Variants in DGKI observed in about 807,000 individuals in gnomAD.
DGKI encodes diacylglycerol kinase iota, also known as DAG kinase iota.
Under a neutral mutation model 147.5 loss-of-function variants are expected in DGKI, and 55 were observed. That is an observed-to-expected ratio of 0.37 (90% CI 0.30 to 0.47). The LOEUF (loss-of-function observed/expected upper bound fraction) is 0.47, where lower values mean the gene tolerates loss of function less well. DGKI is among the 20% of genes least tolerant of loss of function. DGKI has a pLI of 1.00. For synonymous variants in DGKI, 469 were observed against 477.1 expected (o/e 0.98, Z 0.22); for missense variants, 1,007 against 1,323.8 (o/e 0.76, Z 3.71).
chr7:137,447,673 T>C (rs1337251303), intron 27 of DGKI, among the ~76,000 whole-genome samples: 1 of 152,176 alleles, frequency 6.6e-6, no homozygotes, highest in African/African-American at 2.4e-5. Context: ...ACTTGAGAAA[T>C]AAGTGGCAAG....
intron 20 of DGKI, among the ~76,000 whole-genome samples, chr7:137,551,353 G>A (rs1213188294): frequency 6.6e-6 from 1 of 152,072 alleles, no homozygotes; most frequent in African/African-American, 2.4e-5. Context: ...CTATTGTAAG[G>A]ACTTCTGCAT....
At chr7:137,800,606 A>G (rs1443750968) in intron 1 of DGKI, among the ~76,000 whole-genome samples, 1 of 152,138 alleles carries the variant, frequency 6.6e-6, no homozygotes, top group East Asian at 1.9e-4. Context: ...ATCTTTTTTT[A>G]CAAATTACCT....
chr7:137,599,523 AC>A (rs1286969771), intron 11 of DGKI, among the ~76,000 whole-genome samples: 3 of 152,244 alleles, frequency 2.0e-5, no homozygotes, highest in African/African-American at 7.2e-5. Flanking sequence ...AAATAGAAAA[AC>A]AATGAGTCCT....
At chr7:137,632,674 T>C (rs760549178) in intron 6 of DGKI, among the ~76,000 whole-genome samples, 18 of 151,456 alleles carry the variant, frequency 1.2e-4, no homozygotes, top group Admixed American at 3.3e-4. Flanking sequence ...CTGGCCAACA[T>C]GGTGAAACCC....
At chr7:137,774,891 T>C (rs1796317708) in intron 1 of DGKI, 1 of 152,154 alleles carries the variant, frequency 6.6e-6, no homozygotes, top group African/African-American at 2.4e-5. Flanking sequence ...AAGATTTCTG[T>C]GACGTCACAG....
At chr7:137,458,352 C>T (rs1053996544) in intron 27 of DGKI, among the ~76,000 whole-genome samples, 5 of 152,184 alleles carry the variant, frequency 3.3e-5, no homozygotes, top group Non-Finnish European at 5.9e-5. Context: ...TATCTACCCT[C>T]GGTGTGGTTC....
chr7:137,556,497 T>C (rs1818228887), intron 19 of DGKI, among the ~76,000 whole-genome samples: 2 of 152,102 alleles, frequency 1.3e-5, no homozygotes, highest in Admixed American at 1.3e-4. Flanking sequence ...TTAAAACTCA[T>C]AAGAAAGATG....
intron 6 of DGKI, among the ~76,000 whole-genome samples, chr7:137,643,289 TCA>T (rs1491100033): frequency 3.1e-5 from 1 of 32,526 alleles, no homozygotes; most frequent in East Asian, 1.0e-3. Flanking sequence ...AGACTCCGTC[TCA>T]AAAAAAAAAA....
chr7:137,395,665 T>C lies in DGKI; in HGVS notation c.2990A>G (p.Gln997Arg), dbSNP rs1174110099. 6.2e-7 allele frequency: 1 copy of C among 1,614,168 alleles called. No individual in the cohort carries two copies. The highest frequency in any genetic ancestry group is 2.2e-5 in the East Asian group (1 of 44,864). The change falls in exon 32 of 33, where the codon CAG becomes CGG. Residue 997 changes from glutamine (Q) to arginine (R), a missense_variant. Gln to Arg is a conservative substitution (Grantham distance 43, BLOSUM62 1). This residue lies in a region of DGKI where 385 missense variants were observed against 445.2 expected (regional missense o/e 0.86). Transcript: ENST00000614521. Reference sequence around the variant, plus strand: ...AAGCTGGCACACAGCCCGGTTCCGCTGGCAGGCAGCCTTGTGCAGTGCAGT... The same window carrying C: ...AAGCTGGCACACAGCCCGGTTCCGCCGGCAGGCAGCCTTGTGCAGTGCAGT... ...GETALHKAAC[Q>R]RNRAVCQLLV...
In DGKI at chr7:137,430,150, A is replaced by G. The variant is rs1437161907; in HGVS notation, c.2761+13927T>C. On this transcript the variant is annotated intron_variant, in intron 28 of 32. Transcript: ENST00000614521. ...TTCACAATAGCAAAGACTTGGAAGCAACCCAAATGTCCAACAATGATAGAC... is the reference window on the plus strand; with the variant it reads ...TTCACAATAGCAAAGACTTGGAAGCGACCCAAATGTCCAACAATGATAGAC... 1.6e-4 allele frequency among the ~76,000 whole-genome samples: 22 copies of G among 141,344 alleles called. No individual in the cohort carries two copies. In the South Asian group the frequency reaches 5.5e-3, roughly 36 times the overall value. The allele number at this position is 141,344 out of a possible 152,430, so 92.7% of individuals were successfully genotyped here. A position where few individuals can be genotyped will look rare whatever the true frequency, so the allele number is the denominator to read the frequency against.
chr7:137,558,713 T>G (rs1818310080), intron 19 of DGKI, among the ~76,000 whole-genome samples: 1 of 128,378 alleles, frequency 7.8e-6, no homozygotes, highest in Admixed American at 7.7e-5. Flanking sequence ...AGTTTCCTCA[T>G]ATGTAAAGTG....
At chr7:137,413,728 A>G (rs1374093033) in intron 28 of DGKI, among the ~76,000 whole-genome samples, 1 of 152,216 alleles carries the variant, frequency 6.6e-6, no homozygotes, top group Non-Finnish European at 1.5e-5. Context: ...TATTGTAAAT[A>G]GTACTAAGAT....
At chr7:137,792,233 G>A (rs1368875303) in intron 1 of DGKI, among the ~76,000 whole-genome samples, 1 of 152,112 alleles carries the variant, frequency 6.6e-6, no homozygotes, top group Non-Finnish European at 1.5e-5. Context: ...GAAAGAGAAT[G>A]AGATAGAGAT....
At chr7:137,833,566 C>T (rs149732829) in intron 1 of DGKI, among the ~76,000 whole-genome samples, 293 of 152,270 alleles carry the variant, frequency 1.9e-3, no homozygotes, top group African/African-American at 6.8e-3. Context: ...TGGGTGGGGA[C>T]ACAAAGCCAA....
At chr7:137,593,848 G>C (rs1037015349) in intron 12 of DGKI, among the ~76,000 whole-genome samples, 2 of 152,066 alleles carry the variant, frequency 1.3e-5, no homozygotes, top group African/African-American at 4.8e-5. Context: ...TTGCATTAAA[G>C]TTCCCTTGAA....
chr7:137,689,277 C>T (rs934541960), intron 2 of DGKI, among the ~76,000 whole-genome samples: 7 of 152,182 alleles, frequency 4.6e-5, no homozygotes, highest in African/African-American at 9.7e-5. Context: ...AACAGTTACT[C>T]GGCCAAGAAC....
At chr7:137,495,676 T>C (rs1362608701) in intron 21 of DGKI, among the ~76,000 whole-genome samples, 6 of 152,086 alleles carry the variant, frequency 3.9e-5, no homozygotes, top group Non-Finnish European at 8.8e-5. Context: ...ATAAATGTGA[T>C]ACATCATATA....
At chr7:137,552,330 G>A (rs1818074206) in intron 20 of DGKI, 39 bp downstream of exon 20, 1 of 1,607,604 alleles carries the variant, frequency 6.2e-7, no homozygotes, top group Non-Finnish European at 8.5e-7. Context: ...CCTCTCCAAG[G>A]TCTTCATGTT....
chr7:137,403,211 C>T (rs1811828575), intron 30 of DGKI, among the ~76,000 whole-genome samples: 1 of 152,164 alleles, frequency 6.6e-6, no homozygotes, highest in Non-Finnish European at 1.5e-5. Flanking sequence ...AACTCTTCCT[C>T]CCCGAGTCTC....
Sources: gnomAD v4.1 joint callset for allele counts (sites outside exome capture counted in the v4.1 genomes callset) on GRCh38, gnomAD v4.1.1 for gene constraint, gnomAD v4.1.1 regional missense constraint, MANE v1.5 for transcripts, NCBI Gene and HGNC (gene_info 2026-07-23, HGNC 2026-07-21) for gene names.